Variants in DOCK3 observed in about 807,000 individuals in gnomAD.
DOCK3 encodes dedicator of cytokinesis 3, also known as dedicator of cytokinesis protein 3.
DOCK3 carries 60 observed loss-of-function variants against 265.6 expected under a neutral mutation model. That is an observed-to-expected ratio of 0.23 (90% CI 0.18 to 0.28). The LOEUF is 0.28. Ranked by LOEUF, DOCK3 falls within the 10% of genes least tolerant of loss-of-function variation. The pLI is 1.00. For synonymous variants in DOCK3, 881 were observed against 938.0 expected (o/e 0.94, Z 1.11); for missense variants, 1,981 against 2,594.3 (o/e 0.76, Z 5.14).
At chr3:51,023,923 T>TG (rs947254599) in intron 5 of DOCK3, among the ~76,000 whole-genome samples, 4 of 152,214 alleles carry the variant, frequency 2.6e-5, no homozygotes, top group Non-Finnish European at 5.9e-5. Flanking sequence ...TGTGACATTT[T>TG]GGGGGTTTTA....
chr3:50,948,601 C>CTCTTT (rs779817706), intron 5 of DOCK3, among the ~76,000 whole-genome samples: 1 of 151,162 alleles, frequency 6.6e-6, no homozygotes, highest in South Asian at 2.1e-4. Flanking sequence ...TCTCTTCTTT[C>CTCTTT]TCTTTTCTTT....
intron 12 of DOCK3, among the ~76,000 whole-genome samples, chr3:51,169,002 T>A (rs1215644665): frequency 1.3e-5 from 2 of 152,108 alleles, no homozygotes; most frequent in Non-Finnish European, 2.9e-5. Flanking sequence ...ACATCACTGA[T>A]CATTAGAGAA....
At chr3:50,884,533 GTT>G (rs1267221862) in intron 3 of DOCK3, among the ~76,000 whole-genome samples, 1 of 152,074 alleles carries the variant, frequency 6.6e-6, no homozygotes, top group Non-Finnish European at 1.5e-5. Context: ...ATTCAGATAG[GTT>G]TTTTTCACTA....
At chr3:50,934,310 CACCAGGG>C (rs2051237419) in intron 5 of DOCK3, among the ~76,000 whole-genome samples, 2 of 152,124 alleles carry the variant, frequency 1.3e-5, no homozygotes, top group Non-Finnish European at 2.9e-5. Context: ...TGTTACATAA[CACCAGGG>C]ATCTTAGCTG....
chr3:50,769,075 ATTT>A (rs11334129), intron 1 of DOCK3, among the ~76,000 whole-genome samples: 40 of 147,216 alleles, frequency 2.7e-4, no homozygotes, highest in South Asian at 2.2e-4. Flanking sequence ...TATTAATTGG[ATTT>A]TTTTTTTTTT....
At chr3:51,022,139 A>G (rs558962020) in intron 5 of DOCK3, among the ~76,000 whole-genome samples, 2 of 152,260 alleles carry the variant, frequency 1.3e-5, no homozygotes, top group East Asian at 3.9e-4. Flanking sequence ...TTTTTAAACA[A>G]TTTACTTTGT....
intron 1 of DOCK3, among the ~76,000 whole-genome samples, chr3:50,721,072 G>GT (rs2037452052): frequency 6.6e-6 from 1 of 151,062 alleles, no homozygotes; most frequent in African/African-American, 2.4e-5. Flanking sequence ...TTGTTAATTT[G>GT]TTTAAGTTCC....
chr3:50,812,423 GT>G (rs1309110851), intron 2 of DOCK3, among the ~76,000 whole-genome samples: 1 of 152,212 alleles, frequency 6.6e-6, no homozygotes, highest in African/African-American at 2.4e-5. Flanking sequence ...CGTTTTGTGT[GT>G]GTGTACTCTG....
At chr3:51,252,902 G>T (rs1280865730) in intron 22 of DOCK3, among the ~76,000 whole-genome samples, 1 of 152,162 alleles carries the variant, frequency 6.6e-6, no homozygotes, top group Non-Finnish European at 1.5e-5. Context: ...ACACTATGTT[G>T]AATAGGAGTG....
chr3:50,883,801 TG>T (rs1401681878), intron 3 of DOCK3, among the ~76,000 whole-genome samples: 1 of 152,210 alleles, frequency 6.6e-6, no homozygotes, highest in Non-Finnish European at 1.5e-5. Context: ...ACATGCATAA[TG>T]TTTTACAAAC....
chr3:50,845,474 C>A (rs2046035900), intron 3 of DOCK3, among the ~76,000 whole-genome samples: 1 of 151,848 alleles, frequency 6.6e-6, no homozygotes, highest in Non-Finnish European at 1.5e-5. Flanking sequence ...TTTTGCACAG[C>A]AAAAAATTGC....
At chr3:50,964,527 A>G (rs1202579531) in intron 5 of DOCK3, among the ~76,000 whole-genome samples, 7 of 152,188 alleles carry the variant, frequency 4.6e-5, no homozygotes, top group South Asian at 2.1e-4. Context: ...AAAGGAGGAG[A>G]AAAGATTAGT....
At chr3:51,123,871 C>G (rs996859087) in intron 9 of DOCK3, among the ~76,000 whole-genome samples, 2 of 152,172 alleles carry the variant, frequency 1.3e-5, no homozygotes, top group Non-Finnish European at 1.5e-5. Context: ...TACCAGATGC[C>G]AGCTAAGGGC....
chr3:50,784,384 C>T (rs1412343857), intron 2 of DOCK3, among the ~76,000 whole-genome samples: 1 of 152,176 alleles, frequency 6.6e-6, no homozygotes, highest in Non-Finnish European at 1.5e-5. Context: ...TATTTTTATA[C>T]TAGTACCATG....
chr3:51,352,178 T>C (rs1411672456), intron 40 of DOCK3, among the ~76,000 whole-genome samples: 2 of 152,278 alleles, frequency 1.3e-5, no homozygotes, highest in African/African-American at 4.8e-5. Context: ...CTAATGATTC[T>C]GGTCTTGTAA....
chr3:51,174,299 A>T (rs2107658708), intron 12 of DOCK3, among the ~76,000 whole-genome samples: 1 of 152,126 alleles, frequency 6.6e-6, no homozygotes, highest in South Asian at 2.1e-4. Context: ...CTACTAAAAA[A>T]AAATTTAAAA....
At position 51,381,577 on chromosome 3, in the gene DOCK3, G is replaced by T; in HGVS notation, c.*18G>T. 1 of 1,482,996 alleles carries T rather than the reference G, an allele frequency of 6.7e-7. No homozygotes were observed. The highest frequency in any genetic ancestry group is 1.4e-5 in the South Asian group (1 of 72,016). 91.9% of individuals were successfully genotyped at this position (1,482,996 alleles called of 1,614,324 possible). On this transcript the variant is annotated 3_prime_UTR_variant, in exon 53 of 53. Transcript: ENST00000266037. The surrounding 1 kb of genome is among the most constrained non-coding windows in gnomAD (Gnocchi z 5.6). ...AGCAGTGAGGGGCAACGAGGCGGCTGGGATGCCGCCCTCAGTAAGCAGCTT... is the reference window on the plus strand; with the variant it reads ...AGCAGTGAGGGGCAACGAGGCGGCTTGGATGCCGCCCTCAGTAAGCAGCTT...
chr3:50,815,415 G>T (rs2044017932), intron 2 of DOCK3, among the ~76,000 whole-genome samples: 1 of 152,140 alleles, frequency 6.6e-6, no homozygotes, highest in Non-Finnish European at 1.5e-5. Context: ...TGCTGGAAAT[G>T]AAACTATTAG....
intron 1 of DOCK3, among the ~76,000 whole-genome samples, chr3:50,773,192 G>A (rs765164070): frequency 6.6e-6 from 1 of 152,000 alleles, no homozygotes; most frequent in Non-Finnish European, 1.5e-5. Context: ...GGGAAAGAAT[G>A]GTTTCTTCTA....
Sources: allele counts gnomAD v4.1 joint callset (sites outside exome capture counted in the v4.1 genomes callset), GRCh38; gene constraint gnomAD v4.1.1; non-coding constraint Gnocchi (gnomAD v3.1); transcripts MANE v1.5; gene names NCBI Gene and HGNC (gene_info 2026-07-23, HGNC 2026-07-21).